Variants in GSTP1 observed in about 807,000 individuals in gnomAD.
The protein encoded by GSTP1 is glutathione S-transferase pi 1.
GSTP1 carries 28 observed loss-of-function variants against 29.4 expected under a neutral mutation model. The observed-to-expected ratio is 0.95, with a 90% CI of 0.71 to 1.30. GSTP1 has a LOEUF of 1.30. Among genes scored for constraint, GSTP1 ranks in the 50% most tolerant of loss-of-function variants. The pLI, the probability that GSTP1 is intolerant of heterozygous loss-of-function variation, is 0.00. For missense variants in GSTP1, 267 were observed against 266.1 expected, an observed-to-expected ratio of 1.00 and a Z score of -0.02; for synonymous variants, 122 against 117.0, an observed-to-expected ratio of 1.04 and a Z score of -0.28.
intron 6 of GSTP1, 52 bp downstream of exon 6, chr11:67,586,263 T>TG: frequency 2.0e-6 from 3 of 1,531,526 alleles, no homozygotes; most frequent in Non-Finnish European, 2.7e-6. Context: ...TGCTTCCAGA[T>TG]GGACACAGGT....
rs1871042 is a variant in GSTP1 at position 67,586,373 on chromosome 11, C to A, written c.445-16C>A. The A allele has an allele frequency of 1.2e-6, 2 of 1,601,772 alleles. No homozygotes were observed. Among genetic ancestry groups the A allele is most frequent in the Admixed American group, 3.4e-5 (2 of 58,808 alleles). On this transcript the variant is annotated splice_polypyrimidine_tract_variant and intron_variant, in intron 6 of 6. Coordinates refer to ENST00000398606, the MANE Select transcript of GSTP1 (RefSeq NM_000852.4). ...CTGCTCCCGCTGGCTGAGTCCCTGG[C>A]CCCCCTGCCCTGCAGATCTCCTTCG...
chr11:67,586,049 T>A, intron 5 of GSTP1, 55 bp from the exon 6 acceptor site: 1 of 1,307,436 alleles, frequency 7.6e-7, no homozygotes, highest in Non-Finnish European at 1.1e-6. Context: ...CAGACGGGGG[T>A]GTCTCAGGGG....
chr11:67,586,341 C>T (rs1867466280), intron 6 of GSTP1, 48 bp from the exon 7 acceptor site: 1 of 1,581,320 alleles, frequency 6.3e-7, no homozygotes, highest in African/African-American at 1.3e-5. Flanking sequence ...CCCCCAATTC[C>T]TCCAGCCTGC....
intron 2 of GSTP1, 64 bp downstream of exon 2, chr11:67,584,233 C>A: frequency 1.5e-6 from 2 of 1,321,386 alleles, no homozygotes; most frequent in Admixed American, 1.9e-5. Flanking sequence ...CAGCCCCTCG[C>A]CCACCCGGAG....
intron 5 of GSTP1, among the ~76,000 whole-genome samples, chr11:67,585,734 A>G (rs1030174324): frequency 6.6e-6 from 1 of 152,004 alleles, no homozygotes; most frequent in African/African-American, 2.4e-5. Context: ...GTAAGGAGAT[A>G]GAGATGGGCG....
rs1591100947 is a variant in GSTP1 at position 67,586,523 on chromosome 11, C to T, written c.579C>T (p.Phe193=). The T allele has an allele frequency of 1.2e-6, 2 of 1,614,172 alleles. No homozygotes were observed. The highest frequency in any genetic ancestry group is 1.7e-6 in the Non-Finnish European group (2 of 1,179,990). Residue 193 remains phenylalanine, a synonymous_variant, in exon 7 of 7, where the codon TTC becomes TTT. Transcript: ENST00000398606. ...RLSARPKLKA[F]LASPEYVNLP... Reference sequence around the variant, plus strand: ...GTGCCCGGCCCAAGCTCAAGGCCTTCCTGGCCTCCCCTGAGTACGTGAACC... The same window carrying T: ...GTGCCCGGCCCAAGCTCAAGGCCTTTCTGGCCTCCCCTGAGTACGTGAACC...
chr11:67,584,567 C>T lies in GSTP1; in HGVS notation c.141C>T (p.Ser47=), dbSNP rs1591099484. 1.2e-6 allele frequency: 2 copies of T among 1,600,046 alleles called. No homozygotes were observed. The highest frequency in any genetic ancestry group is 2.2e-5 in the South Asian group (2 of 90,554). The change falls in exon 3 of 7, where the codon TCC becomes TCT. Residue 47 remains serine, a synonymous_variant. Coordinates refer to ENST00000398606, the MANE Select transcript of GSTP1 (RefSeq NM_000852.4). ...GGCAGGAGGGCTCACTCAAAGCCTC[C>T]TGCGTAAGTGACCATGCCCGGGCAA... ...ETWQEGSLKA[S]CLYGQLPKFQ...
intron 4 of GSTP1, 164 bp from the exon 5 acceptor site, chr11:67,584,974 T>C (rs1485325720): frequency 1.6e-6 from 1 of 639,492 alleles, no homozygotes; most frequent in Non-Finnish European, 2.8e-6. Context: ...TCAGGTGAGC[T>C]CTGAGCACCT....
intron 5 of GSTP1, 60 bp downstream of exon 5, chr11:67,585,301 C>T: frequency 2.6e-6 from 3 of 1,146,818 alleles, no homozygotes; most frequent in South Asian, 1.3e-5. Flanking sequence ...GCTTCTTGTG[C>T]CCTCACCCCC....
intron 2 of GSTP1, 101 bp from the exon 3 acceptor site, chr11:67,584,363 C>G (rs1239806251): frequency 1.4e-6 from 1 of 729,064 alleles, no homozygotes; most frequent in African/African-American, 1.8e-5. Flanking sequence ...TTCGGAGGAA[C>G]CTGTTTCCCT....
intron 5 of GSTP1, 95 bp downstream of exon 5, chr11:67,585,336 G>C: frequency 7.1e-6 from 6 of 846,144 alleles, no homozygotes. Flanking sequence ...GGCTTGGGCT[G>C]ACCCCTTCTT....
At chr11:67,584,350 A>G (rs1418782640) in intron 2 of GSTP1, 114 bp from the exon 3 acceptor site, 9 of 723,392 alleles carry the variant, frequency 1.2e-5, no homozygotes, top group Admixed American at 5.7e-5. Flanking sequence ...GTTGTGTGAA[A>G]TCTTCGGAGG....
At chr11:67,585,562 G>A (rs115899453) in intron 5 of GSTP1, among the ~76,000 whole-genome samples, 1,813 of 152,312 alleles carry the variant, frequency 0.012, 34 homozygotes, top group African/African-American at 0.041. Flanking sequence ...AGGATTTGTC[G>A]CCAGTTTCTG....
At position 67,585,623 on chromosome 11, in the gene GSTP1, C is replaced by G. The variant is rs1377779849; in HGVS notation, c.336+382C>G. Among the ~76,000 whole-genome samples the G allele has an allele frequency of 2.6e-5, 4 of 152,052 alleles. No individual in the cohort carries two copies. The East Asian group carries it at 7.7e-4, about 29-fold the overall frequency. Reference sequence around the variant, plus strand: ...GAGGAAAATATGCAGACACAGAGCACATTTGGGGACCTGGGACCAGTTCAG... The same window carrying G: ...GAGGAAAATATGCAGACACAGAGCAGATTTGGGGACCTGGGACCAGTTCAG... On this transcript the variant is annotated intron_variant, in intron 5 of 6. Transcript: ENST00000398606.
intron 1 of GSTP1, 23 bp downstream of exon 1, chr11:67,583,867 C>CCCGGGGATGGGGCTCAGAGCT: frequency 1.3e-6 from 1 of 742,390 alleles, no homozygotes; most frequent in Non-Finnish European, 2.5e-6. Flanking sequence ...GGCCCGCGTC[C>CCCGGGGATGGGGCTCAGAGCT]CCGGGGATGG....
chr11:67,584,612 T>G, intron 3 of GSTP1, 42 bp downstream of exon 3: 4 of 1,571,706 alleles, frequency 2.5e-6, no homozygotes, highest in Non-Finnish European at 2.6e-6. Context: ...GTGCTGGGCC[T>G]TAGGGGGCTG....
chr11:67,586,239 T>C (rs764455243), intron 6 of GSTP1, 28 bp downstream of exon 6: 26 of 1,564,782 alleles, frequency 1.7e-5, no homozygotes, highest in Non-Finnish European at 2.3e-5. Context: ...TGCTGTTCCT[T>C]CCTCGCCACC....
chr11:67,586,541 C>T lies in GSTP1; in HGVS notation c.597C>T (p.Tyr199=), dbSNP rs538776740. The change falls in exon 7 of 7, where the codon TAC becomes TAT. Residue 199 remains tyrosine, a synonymous_variant. Coordinates refer to ENST00000398606, the MANE Select transcript of GSTP1 (RefSeq NM_000852.4). ...AGGCCTTCCTGGCCTCCCCTGAGTA[C>T]GTGAACCTCCCCATCAATGGCAACG... ...KLKAFLASPE[Y]VNLPINGNGK... The T allele has an allele frequency of 2.2e-5, 36 of 1,613,798 alleles. No homozygotes were observed. The Middle Eastern group carries it at 5.0e-4, about 22-fold the overall frequency.
rs746864534 is a variant in GSTP1 at position 67,584,221 on chromosome 11, C to T, written c.37+52C>T. On this transcript the variant is annotated intron_variant, in intron 2 of 6. Coordinates refer to ENST00000398606, the MANE Select transcript of GSTP1 (RefSeq NM_000852.4). The stretch of plus-strand genomic sequence containing the variant: ...GGAGGCAGGGGCTGGGGCTGCAGCC[C>T]ACAGCCCCTCGCCCACCCGGAGAGA... The T allele has an allele frequency of 4.3e-6, 6 of 1,405,464 alleles. No individual in the cohort carries two copies. The South Asian group carries it at 7.0e-5, about 16-fold the overall frequency. 87.1% of individuals were successfully genotyped at this position (1,405,464 alleles called of 1,614,324 possible). A position where few individuals can be genotyped will look rare whatever the true frequency, so the allele number is the denominator to read the frequency against.
Sources: gnomAD v4.1 joint callset for allele counts (sites outside exome capture counted in the v4.1 genomes callset) on GRCh38, gnomAD v4.1.1 for gene constraint, MANE v1.5 for transcripts, NCBI Gene and HGNC (gene_info 2026-07-23, HGNC 2026-07-21) for gene names.